The following PARM1 variants were observed in gnomAD, a reference collection of about 807,000 sequenced individuals.
The protein encoded by PARM1 is WSC4, cell wall integrity and stress response component 4 homolog.
Under a neutral mutation model 24.6 loss-of-function variants are expected in PARM1, and 14 were observed. That is an observed-to-expected ratio of 0.57 (90% CI 0.38 to 0.89). The LOEUF is 0.89. Ranked by LOEUF, PARM1 falls within the 40% of genes least tolerant of loss-of-function variation. PARM1 has a pLI of 0.00. For missense variants in PARM1, 362 were observed against 380.4 expected (o/e 0.95, Z 0.40); for synonymous variants, 179 against 156.6 (o/e 1.14, Z -1.07).
chr4:74,969,874 A>G (rs1266409537), intron 1 of PARM1: 1 of 152,152 alleles, frequency 6.6e-6, no homozygotes, highest in Non-Finnish European at 1.5e-5. Flanking sequence ...TGTTTTTGAG[A>G]TTGTAGAAAT....
intron 1 of PARM1, among the ~76,000 whole-genome samples, chr4:74,983,982 C>G (rs1449825542): frequency 6.6e-6 from 1 of 152,196 alleles, no homozygotes; most frequent in Admixed American, 6.5e-5. Flanking sequence ...GGCAACATAG[C>G]AAGACCCCAT....
intron 1 of PARM1, among the ~76,000 whole-genome samples, chr4:74,960,051 A>G (rs1721733879): frequency 6.6e-6 from 1 of 152,232 alleles, no homozygotes; most frequent in African/African-American, 2.4e-5. Context: ...GCCCCATGGC[A>G]GACAGTTGTG....
chr4:74,951,101 C>T lies in PARM1; in HGVS notation c.43+17731C>T, dbSNP rs147473004. Among the ~76,000 whole-genome samples the T allele has an allele frequency of 2.3e-3, 343 of 152,268 alleles. 2 individuals are homozygous for T. The highest frequency in any genetic ancestry group is 7.9e-3 in the African/African-American group (329 of 41,542). On this transcript the variant is annotated intron_variant, in intron 1 of 3. Coordinates refer to ENST00000307428, the MANE Select transcript of PARM1 (RefSeq NM_015393.4). ...ATGGGCTGTGTGGAGCAATAGCAGC[C>T]GTTCTGGTAACTCAGCCAGCCTGCG...
intron 1 of PARM1, among the ~76,000 whole-genome samples, chr4:74,970,892 T>C (rs1449427734): frequency 1.3e-5 from 2 of 152,168 alleles, no homozygotes; most frequent in Non-Finnish European, 2.9e-5. Flanking sequence ...AGGGGCCTAG[T>C]ATGAGTCCTG....
At chr4:74,959,175 G>A (rs1274400356) in intron 1 of PARM1, among the ~76,000 whole-genome samples, 15 of 152,138 alleles carry the variant, frequency 9.9e-5, no homozygotes, top group Non-Finnish European at 2.2e-4. Flanking sequence ...TATCGTATTA[G>A]ACACTAGAGA....
chr4:74,975,227 C>A (rs892484528), intron 1 of PARM1, among the ~76,000 whole-genome samples: 2 of 152,096 alleles, frequency 1.3e-5, no homozygotes, highest in Admixed American at 6.6e-5. Flanking sequence ...TTTAAAAAAC[C>A]AAGCATCTTT....
chr4:74,965,493 G>A (rs568878875), intron 1 of PARM1: 3 of 152,310 alleles, frequency 2.0e-5, no homozygotes, highest in Non-Finnish European at 2.9e-5. Context: ...TCTGTTATAT[G>A]TGATGTAACT....
intron 2 of PARM1, among the ~76,000 whole-genome samples, chr4:75,027,770 AG>A (rs1364327472): frequency 5.9e-5 from 9 of 152,342 alleles, no homozygotes; most frequent in South Asian, 2.1e-4. Context: ...TGAATTATTG[AG>A]CTTCATTCTT....
At chr4:74,961,483 T>A (rs1721773224) in intron 1 of PARM1, among the ~76,000 whole-genome samples, 1 of 152,024 alleles carries the variant, frequency 6.6e-6, no homozygotes, top group Non-Finnish European at 1.5e-5. Flanking sequence ...TAAAATGGAC[T>A]CAAAGAGACC....
Position 75,046,684 on chromosome 4 carries a change from G to A in PARM1, c.*437G>A, listed in dbSNP as rs983659134. On this transcript the variant is annotated 3_prime_UTR_variant, in exon 4 of 4. Coordinates refer to ENST00000307428, the MANE Select transcript of PARM1 (RefSeq NM_015393.4). The stretch of plus-strand genomic sequence containing the variant: ...TGAGGGGAAAGGAAATGAGCTCTAC[G>A]AGGATTTCACCCTGCATGGGAGAGA... 11 of 159,848 alleles carry A rather than the reference G, an allele frequency of 6.9e-5. No homozygotes were observed. Among genetic ancestry groups the A allele is most frequent in the Non-Finnish European group, 1.5e-4 (11 of 72,494 alleles). 9.9% of individuals were successfully genotyped at this position (159,848 alleles called of 1,614,324 possible). A position where few individuals can be genotyped will look rare whatever the true frequency, so the allele number is the denominator to read the frequency against.
chr4:74,960,777 G>A (rs1578028905), intron 1 of PARM1, among the ~76,000 whole-genome samples: 1 of 152,010 alleles, frequency 6.6e-6, no homozygotes, highest in African/African-American at 2.4e-5. Flanking sequence ...GGGAGGCCGA[G>A]GCGGGTGGAT....
At chr4:75,045,876 G>C (rs975526976) in intron 3 of PARM1, among the ~76,000 whole-genome samples, 15 of 152,178 alleles carry the variant, frequency 9.9e-5, no homozygotes, top group Non-Finnish European at 2.2e-4. Flanking sequence ...CTATGGAAAT[G>C]GGGCCTCCTC....
chr4:74,937,231 C>A (rs1037634196), intron 1 of PARM1, among the ~76,000 whole-genome samples: 3 of 152,180 alleles, frequency 2.0e-5, no homozygotes, highest in Non-Finnish European at 4.4e-5. Context: ...AAATTGTGCA[C>A]ACACGTAAAG....
intron 1 of PARM1, among the ~76,000 whole-genome samples, chr4:74,946,110 T>C (rs917756027): frequency 6.6e-6 from 1 of 152,202 alleles, no homozygotes; most frequent in African/African-American, 2.4e-5. Context: ...TCTCACACTC[T>C]AGAAAGTACG....
chr4:75,033,810 C>A, intron 2 of PARM1, 73 bp from the exon 3 acceptor site: 1 of 1,216,012 alleles, frequency 8.2e-7, no homozygotes, highest in Non-Finnish European at 1.2e-6. Context: ...AAGGTGGATA[C>A]TACGCACGCC....
intron 1 of PARM1, among the ~76,000 whole-genome samples, chr4:74,988,559 ATAAAC>A (rs1722403574): frequency 6.6e-6 from 1 of 152,192 alleles, no homozygotes; most frequent in Non-Finnish European, 1.5e-5. Context: ...TGTTGAATGA[ATAAAC>A]TAACTGGTGC....
chr4:74,934,685 C>A (rs1002474990), intron 1 of PARM1, among the ~76,000 whole-genome samples: 8 of 152,184 alleles, frequency 5.3e-5, no homozygotes, highest in African/African-American at 1.9e-4. Flanking sequence ...CTAGGTCCGG[C>A]AGGTGCAATA....
At chr4:75,014,672 G>A (rs1043701160) in intron 2 of PARM1, among the ~76,000 whole-genome samples, 2 of 152,194 alleles carry the variant, frequency 1.3e-5, no homozygotes, top group Non-Finnish European at 2.9e-5. Context: ...CACTGGTGTG[G>A]TCCATGCAGG....
At chr4:74,982,195 C>G (rs999422453) in intron 1 of PARM1, among the ~76,000 whole-genome samples, 6 of 152,130 alleles carry the variant, frequency 3.9e-5, no homozygotes, top group African/African-American at 1.4e-4. Context: ...AATGCAGGAA[C>G]AGAAAACCAA....
Sources: allele counts gnomAD v4.1 joint callset (sites outside exome capture counted in the v4.1 genomes callset), GRCh38; gene constraint gnomAD v4.1.1; transcripts MANE v1.5; gene names NCBI Gene and HGNC (gene_info 2026-07-23, HGNC 2026-07-21).